RSPH14: variants seen among roughly 807,000 people sequenced by gnomAD.
The protein encoded by RSPH14 is radial spoke head 14 homolog.
Under a neutral mutation model 26.7 loss-of-function variants are expected in RSPH14, and 20 were observed. The observed-to-expected ratio is 0.75, with a 90% CI of 0.53 to 1.09. The LOEUF is 1.09. Ranked by LOEUF, RSPH14 falls within the 50% of genes least tolerant of loss-of-function variation. RSPH14 has a pLI of 0.00. For missense variants in RSPH14, 449 were observed against 457.2 expected (o/e 0.98, Z 0.16); for synonymous variants, 177 against 189.3 (o/e 0.93, Z 0.53).
At chr22:23,172,453 G>A in the RSPH14 span, among the ~76,000 whole-genome samples, 2 of 150,896 alleles carry the variant, frequency 1.3e-5, no homozygotes, top group Non-Finnish European at 2.9e-5. Context: ...CAGTGGCTCA[G>A]CCTGTAATCC....
chr22:23,158,187 C>T, the RSPH14 span: 1 of 1,492,264 alleles, frequency 6.7e-7, no homozygotes, highest in Non-Finnish European at 8.9e-7. Context: ...TGCCCACGGA[C>T]TACTTACTGT....
At chr22:23,103,715 AG>A (rs1301971025) in intron 4 of RSPH14, among the ~76,000 whole-genome samples, 1 of 152,222 alleles carries the variant, frequency 6.6e-6, no homozygotes. Context: ...GCATCCTTGC[AG>A]GAAGCAGTCC....
chr22:23,095,569 C>G, intron 4 of RSPH14: 3 of 1,045,774 alleles, frequency 2.9e-6, no homozygotes, highest in South Asian at 3.3e-5. Flanking sequence ...TCGGCCTCAC[C>G]CCCCTGCTGG....
chr22:23,153,286 C>A, the RSPH14 span: 2 of 665,044 alleles, frequency 3.0e-6, no homozygotes, highest in Admixed American at 2.8e-5. Context: ...CTTCCTGGCT[C>A]CCAGAGCCCC....
chr22:23,145,242 G>GGC, upstream of RSPH14: 2 of 837,616 alleles, frequency 2.4e-6, no homozygotes, highest in Non-Finnish European at 3.7e-6. Context: ...GGCCTCCATA[G>GGC]CCCCGCCCAC....
At chr22:23,065,312 G>A (rs967323395) in intron 4 of RSPH14, among the ~76,000 whole-genome samples, 4 of 151,812 alleles carry the variant, frequency 2.6e-5, no homozygotes, top group South Asian at 2.1e-4. Context: ...GGCTCTTACC[G>A]CCCCCCACCA....
intron 3 of RSPH14, among the ~76,000 whole-genome samples, 153 bp from the exon 4 acceptor site, chr22:23,134,297 G>A (rs2070420443): frequency 6.6e-6 from 1 of 152,086 alleles, no homozygotes; most frequent in Non-Finnish European, 1.5e-5. Context: ...GGCTACAGGT[G>A]CGTGATCCAT....
At chr22:23,179,898 G>C in the RSPH14 span, 1 of 246,474 alleles carries the variant, frequency 4.1e-6, no homozygotes, top group Admixed American at 5.5e-5. Context: ...AGGCCAGGCT[G>C]TGAGGTGTGA....
chr22:23,140,346 A>G lies in RSPH14; in HGVS notation c.75T>C (p.His25=). The change falls in exon 2 of 7, where the codon CAT becomes CAC. Residue 25 remains histidine (H), a synonymous_variant. Transcript: ENST00000216036. ...CCTCCTTCAGCTTGGGCAGGGCCCGATGGCCATAGGCAGTGGTAATCTGGG... is the reference window on the plus strand; with the variant it reads ...CCTCCTTCAGCTTGGGCAGGGCCCGGTGGCCATAGGCAGTGGTAATCTGGG... ...NATQITTAYG[H]RALPKLKEEL... The G allele has an allele frequency of 1.2e-6, 2 of 1,614,224 alleles. No homozygotes were observed. Among genetic ancestry groups the G allele is most frequent in the Non-Finnish European group, 8.5e-7 (1 of 1,180,040 alleles).
At chr22:23,101,087 G>A (rs1423292900) in intron 4 of RSPH14, among the ~76,000 whole-genome samples, 1 of 152,140 alleles carries the variant, frequency 6.6e-6, no homozygotes, top group Non-Finnish European at 1.5e-5. Flanking sequence ...GCCCAAGGAG[G>A]GAATTACAAA....
Position 23,064,260 on chromosome 22 carries a change from G to A in RSPH14, c.422-127C>T, listed in dbSNP as rs1387248679. On this transcript the variant is annotated intron_variant, in intron 4 of 6. Coordinates refer to ENST00000216036, the MANE Select transcript of RSPH14 (RefSeq NM_014433.3). ...GTGGGTTTGACAAAAGGACTTGCAA[G>A]TGCCACCCCCACACACACGTCCCGC... 7.5e-6 allele frequency: 6 copies of A among 802,536 alleles called. No individual in the cohort carries two copies. The African/African-American group carries it at 1.0e-4, about 14-fold the overall frequency. The allele number at this position is 802,536 out of a possible 1,614,324, so 49.7% of individuals were successfully genotyped here. A position where few individuals can be genotyped will look rare whatever the true frequency, so the allele number is the denominator to read the frequency against.
intron 4 of RSPH14, among the ~76,000 whole-genome samples, chr22:23,099,250 C>G (rs2069223644): frequency 6.6e-6 from 1 of 152,268 alleles, no homozygotes; most frequent in Non-Finnish European, 1.5e-5. Flanking sequence ...AGGGCAGCAC[C>G]TCAGAGCAGG....
chr22:23,064,398 A>G (rs1482861061), intron 4 of RSPH14, among the ~76,000 whole-genome samples: 4 of 151,872 alleles, frequency 2.6e-5, no homozygotes, highest in Admixed American at 1.3e-4. Flanking sequence ...CCTGTGTCTC[A>G]GGGGGCATCT....
At chr22:23,170,073 A>G in the RSPH14 span, among the ~76,000 whole-genome samples, 33,271 of 148,706 alleles carry the variant, frequency 0.22, 4,286 homozygotes, top group East Asian at 0.35. Flanking sequence ...CTCCCTCCTA[A>G]GCAACTGAAC....
intron 4 of RSPH14, among the ~76,000 whole-genome samples, chr22:23,125,966 C>G (rs1215993235): frequency 6.6e-6 from 1 of 152,220 alleles, no homozygotes; most frequent in Non-Finnish European, 1.5e-5. Context: ...CGCACGCAGC[C>G]CTGGTGCTGT....
In RSPH14 at chr22:23,140,233, G is replaced by A. The variant is rs2070566179; in HGVS notation, c.188C>T (p.Ala63Val). Residue 63 changes from alanine (A) to valine (V), a missense_variant, in exon 2 of 7, where the codon GCC becomes GTC. By Grantham distance (64) the Ala-to-Val change is moderately conservative (BLOSUM62 0). Coordinates refer to ENST00000216036, the MANE Select transcript of RSPH14 (RefSeq NM_014433.3). ...LMHDPECIYK[A>V]MNIGCMENLK... Reference sequence around the variant, plus strand: ...TGTGTCACGCTCACCTATGTTCATGGCCTTGTAGATACACTCGGGGTCATG... The same window carrying A: ...TGTGTCACGCTCACCTATGTTCATGACCTTGTAGATACACTCGGGGTCATG... 2.5e-6 allele frequency: 4 copies of A among 1,613,758 alleles called. No individual in the cohort carries two copies. The African/African-American group carries it at 5.3e-5, about 22-fold the overall frequency.
At chr22:23,172,380 T>A in the RSPH14 span, among the ~76,000 whole-genome samples, 1 of 142,968 alleles carries the variant, frequency 7.0e-6, no homozygotes, top group African/African-American at 2.6e-5. Context: ...CACACCATTG[T>A]ACTCCAGCCT....
intron 4 of RSPH14, among the ~76,000 whole-genome samples, chr22:23,087,386 C>T (rs1323246463): frequency 6.6e-6 from 1 of 152,146 alleles, no homozygotes; most frequent in Admixed American, 6.5e-5. Context: ...ATCGCTTGAG[C>T]CCGGGGGGTT....
Position 23,071,677 on chromosome 22 carries a change from T to C in RSPH14, c.422-7544A>G, listed in dbSNP as rs532888300. On this transcript the variant is annotated intron_variant, in intron 4 of 6. Coordinates refer to ENST00000216036, the MANE Select transcript of RSPH14 (RefSeq NM_014433.3). This position sits in a 1 kb window ranked among gnomAD's most constrained non-coding sequence, Gnocchi z 4.1. ...ACCACCGCATAGGGGAAAACGTCTC[T>C]ACTCGACCAACCCCGCTTGAGTGCA... 6.6e-6 allele frequency among the ~76,000 whole-genome samples: 1 copy of C among 152,308 alleles called. No individual in the cohort carries two copies. Among genetic ancestry groups the C allele is most frequent in the Admixed American group, 6.5e-5 (1 of 15,296 alleles).
Sources: gnomAD v4.1 joint callset for allele counts (sites outside exome capture counted in the v4.1 genomes callset) on GRCh38, gnomAD v4.1.1 for gene constraint, Gnocchi (gnomAD v3.1) non-coding constraint, MANE v1.5 for transcripts, NCBI Gene and HGNC (gene_info 2026-07-23, HGNC 2026-07-21) for gene names.